PYHIN1: variants seen among roughly 807,000 people sequenced by gnomAD.
PYHIN1 encodes the protein pyrin and HIN domain family member 1, also known as pyrin and HIN domain-containing protein 1.
A neutral mutation model predicts 43.7 loss-of-function variants in PYHIN1; 32 were observed. The observed-to-expected ratio is 0.73, with a 90% CI of 0.55 to 0.98. PYHIN1 has a LOEUF of 0.98. Among genes scored for constraint, PYHIN1 ranks in the 50% least tolerant of loss-of-function variants. The pLI, the probability that PYHIN1 is intolerant of heterozygous loss-of-function variation, is 0.00. For missense variants in PYHIN1, 588 were observed against 589.5 expected (o/e 1.00, Z 0.03); for synonymous variants, 205 against 203.1 (o/e 1.01, Z -0.08).
chr1:158,986,899 C>T, the PYHIN1 span, among the ~76,000 whole-genome samples: 1 of 152,180 alleles, frequency 6.6e-6, no homozygotes, highest in Non-Finnish European at 1.5e-5. Flanking sequence ...AGCTAGGATT[C>T]TGGAAGTCCA....
At chr1:158,985,880 T>A in the PYHIN1 span, among the ~76,000 whole-genome samples, 20 of 152,312 alleles carry the variant, frequency 1.3e-4, no homozygotes, top group Admixed American at 4.6e-4. Flanking sequence ...TTTATCTGAC[T>A]GAGTTGATTT....
At chr1:158,970,875 T>G (rs1650895397) in intron 7 of PYHIN1, among the ~76,000 whole-genome samples, 1 of 152,024 alleles carries the variant, frequency 6.6e-6, no homozygotes, top group Non-Finnish European at 1.5e-5. Flanking sequence ...AACCTATATC[T>G]CATTTCACAT....
At position 158,943,248 on chromosome 1, in the gene PYHIN1, TAA is replaced by T. The variant is rs35630868; in HGVS notation, c.1003-541_1003-540del. Among the ~76,000 whole-genome samples, 523 of 152,290 alleles carry T rather than the reference TAA, an allele frequency of 3.4e-3. 5 individuals are homozygous for T. The highest frequency in any genetic ancestry group is 5.5e-3 in the Non-Finnish European group (373 of 68,018). On this transcript the variant is annotated intron_variant, in intron 5 of 8. Transcript: ENST00000368140. ...AGAAATACACATCCAGAACGATGAG[TAA>T]TAGCCTTGATGAGCAAGAAATTGGA...
intron 1 of PYHIN1, among the ~76,000 whole-genome samples, chr1:158,934,376 T>C (rs1482592986): frequency 1.3e-5 from 2 of 152,182 alleles, no homozygotes; most frequent in Admixed American, 1.3e-4. Context: ...AAACTTTTTG[T>C]TTAGCAATTT....
intron 1 of PYHIN1, among the ~76,000 whole-genome samples, chr1:158,935,088 G>A (rs1482408903): frequency 2.0e-5 from 3 of 152,144 alleles, no homozygotes; most frequent in East Asian, 1.9e-4. Context: ...GTCCAGAGGA[G>A]TAACACTCTG....
the PYHIN1 span, among the ~76,000 whole-genome samples, chr1:158,986,114 G>T: frequency 6.6e-6 from 1 of 152,066 alleles, no homozygotes; most frequent in African/African-American, 2.4e-5. Context: ...TATATTTCAA[G>T]AATCTTCATT....
chr1:158,982,948 ATTAG>A, the PYHIN1 span, among the ~76,000 whole-genome samples: 1 of 152,100 alleles, frequency 6.6e-6, no homozygotes, highest in South Asian at 2.1e-4. Flanking sequence ...CTTGGGTATT[ATTAG>A]TTGTATAGAA....
chr1:158,953,064 C>T (rs948882036), intron 7 of PYHIN1, among the ~76,000 whole-genome samples: 3 of 152,236 alleles, frequency 2.0e-5, no homozygotes, highest in Non-Finnish European at 4.4e-5. Context: ...AAATGGCGCA[C>T]CAGGAGATTA....
chr1:158,968,205 GATCTGTT>G (rs1387376134), intron 7 of PYHIN1, among the ~76,000 whole-genome samples: 3 of 151,598 alleles, frequency 2.0e-5, no homozygotes, highest in African/African-American at 7.3e-5. Context: ...ATCCAACAAA[GATCTGTT>G]ATCCAGAATC....
intron 2 of PYHIN1, 67 bp downstream of exon 2, chr1:158,937,242 G>C: frequency 6.8e-7 from 1 of 1,478,996 alleles, no homozygotes; most frequent in Non-Finnish European, 9.0e-7. Flanking sequence ...TGATTAGAAC[G>C]CCACCTTGGT....
chr1:158,974,770 T>C (rs930617188), intron 8 of PYHIN1, among the ~76,000 whole-genome samples: 1 of 152,016 alleles, frequency 6.6e-6, no homozygotes, highest in African/African-American at 2.4e-5. Flanking sequence ...TTATATGTAA[T>C]TTATTTGAGA....
rs761897183 is a variant in PYHIN1 at position 158,937,083 on chromosome 1, G to A, written c.173G>A (p.Gly58Asp). Reference protein sequence around the residue: ...IADLMEEKFPGDAGLGKLIEF... With the variant: ...IADLMEEKFPDDAGLGKLIEF... ...GACTTGATGGAGGAAAAGTTCCCAG[G>A]TGATGCCGGTTTGGGCAAACTAATA... is the stretch of plus-strand genomic sequence containing the variant. Residue 58 changes from glycine to aspartate, a missense_variant, in exon 2 of 9, where the codon GGT becomes GAT. Coordinates refer to ENST00000368140, the MANE Select transcript of PYHIN1 (RefSeq NM_152501.5). 1.2e-6 allele frequency: 2 copies of A among 1,614,152 alleles called. No homozygotes were observed. The highest frequency in any genetic ancestry group is 1.1e-5 in the South Asian group (1 of 91,066).
downstream of PYHIN1, among the ~76,000 whole-genome samples, chr1:158,979,324 G>C (rs1027067695): frequency 1.3e-4 from 20 of 152,070 alleles, no homozygotes; most frequent in Non-Finnish European, 4.4e-5. Context: ...TCCAGCCCCA[G>C]CTAACCACCA....
At chr1:158,988,272 A>G in the PYHIN1 span, among the ~76,000 whole-genome samples, 1 of 152,170 alleles carries the variant, frequency 6.6e-6, no homozygotes. Context: ...ATGGCTTTGG[A>G]ATTGGAAAAT....
intron 7 of PYHIN1, among the ~76,000 whole-genome samples, chr1:158,963,117 G>A (rs1102000): frequency 0.92 from 140,162 of 152,138 alleles, 65,664 homozygotes; most frequent in East Asian, 1. Flanking sequence ...CAGTAGCAGC[G>A]GCTCTGCATC....
chr1:158,948,438 A>G (rs772008410), intron 7 of PYHIN1, among the ~76,000 whole-genome samples: 8 of 152,244 alleles, frequency 5.3e-5, no homozygotes, highest in Non-Finnish European at 1.0e-4. Flanking sequence ...ATTCCATGGT[A>G]GAGAAATGAT....
intron 8 of PYHIN1, 40 bp downstream of exon 8, chr1:158,973,811 T>C: frequency 6.2e-7 from 1 of 1,603,934 alleles, no homozygotes; most frequent in Middle Eastern, 1.7e-4. Context: ...CTCTAAAATA[T>C]AATTGTAGGG....
chr1:158,974,494 G>A lies in PYHIN1; in HGVS notation c.*5+723G>A, dbSNP rs183211815. Among the ~76,000 whole-genome samples the A allele has an allele frequency of 2.6e-5, 4 of 152,126 alleles. No individual in the cohort carries two copies. In the East Asian group the frequency reaches 7.7e-4, roughly 29 times the overall value. ...ATCTAAGTGTTCCAATTGAATCCCA[G>A]CCTGCTTTTGGTCATGATATGACCA... On this transcript the variant is annotated intron_variant, in intron 8 of 8. Coordinates refer to ENST00000368140, the MANE Select transcript of PYHIN1 (RefSeq NM_152501.5).
At chr1:158,985,233 A>T in the PYHIN1 span, among the ~76,000 whole-genome samples, 3 of 152,144 alleles carry the variant, frequency 2.0e-5, no homozygotes, top group Non-Finnish European at 4.4e-5. Context: ...TTGATTGTAT[A>T]GTTGCATATT....
Sources: allele counts gnomAD v4.1 joint callset (sites outside exome capture counted in the v4.1 genomes callset), GRCh38; gene constraint gnomAD v4.1.1; transcripts MANE v1.5; gene names NCBI Gene and HGNC (gene_info 2026-07-23, HGNC 2026-07-21).